Variants in TMEM178B observed in about 807,000 individuals in gnomAD.
TMEM178B encodes the protein transmembrane protein 178B.
TMEM178B carries 5 observed loss-of-function variants against 31.0 expected under a neutral mutation model. The ratio of observed to expected loss-of-function variants is 0.16; its 90% CI spans 0.08 to 0.34. The LOEUF (loss-of-function observed/expected upper bound fraction) is 0.34, where lower values mean the gene tolerates loss of function less well. TMEM178B is among the 10% of genes least tolerant of loss of function. The probability of loss-of-function intolerance (pLI) is 1.00; values close to 1 mark genes in which losing one functional copy is unlikely to be tolerated. For missense variants in TMEM178B, 275 were observed against 400.3 expected, an observed-to-expected ratio of 0.69 and a Z score of 2.67; for synonymous variants, 164 against 164.0, an observed-to-expected ratio of 1.00 and a Z score of 0.00.
Position 141,156,034 on chromosome 7 carries a change from C to T in TMEM178B, c.383-56557C>T, listed in dbSNP as rs571283886. ...GAGCCGAGATCGTACCACTGCACTCCAGCCTGGGCGATAGGGTGAGACTCC... is the reference window on the plus strand; with the variant it reads ...GAGCCGAGATCGTACCACTGCACTCTAGCCTGGGCGATAGGGTGAGACTCC... On this transcript the variant is annotated intron_variant, in intron 1 of 3. Transcript: ENST00000565468. 3.9e-5 allele frequency among the ~76,000 whole-genome samples: 6 copies of T among 152,280 alleles called. No homozygotes were observed. In the South Asian group the frequency reaches 8.3e-4, roughly 21 times the overall value.
chr7:141,428,887 C>T (rs903815503), intron 2 of TMEM178B, among the ~76,000 whole-genome samples: 3 of 152,204 alleles, frequency 2.0e-5, no homozygotes, highest in Admixed American at 6.5e-5. Context: ...TTCTGCCCCT[C>T]AGCTGAATTC....
At chr7:141,195,159 C>G (rs181893132) in intron 1 of TMEM178B, among the ~76,000 whole-genome samples, 1 of 152,246 alleles carries the variant, frequency 6.6e-6, no homozygotes, top group African/African-American at 2.4e-5. Flanking sequence ...TAACATTAGG[C>G]TCTTTGCTGT....
chr7:141,330,845 A>C (rs1327953935), intron 2 of TMEM178B, among the ~76,000 whole-genome samples: 1 of 152,238 alleles, frequency 6.6e-6, no homozygotes, highest in African/African-American at 2.4e-5. Flanking sequence ...TGATTGTAAT[A>C]ATCTAGGCAA....
chr7:141,352,891 G>C (rs1300399075), intron 2 of TMEM178B: 1 of 152,178 alleles, frequency 6.6e-6, no homozygotes, highest in Non-Finnish European at 1.5e-5. Context: ...ATAGAAGTTT[G>C]TTGAGTATCC....
intron 2 of TMEM178B, among the ~76,000 whole-genome samples, chr7:141,284,895 G>T (rs553264932): frequency 3.9e-5 from 6 of 152,208 alleles, no homozygotes; most frequent in African/African-American, 1.4e-4. Context: ...ATTCAGTAGG[G>T]AGCCAAGAAG....
chr7:141,201,678 G>A (rs1796879282), intron 1 of TMEM178B, among the ~76,000 whole-genome samples: 1 of 152,192 alleles, frequency 6.6e-6, no homozygotes, highest in Non-Finnish European at 1.5e-5. Flanking sequence ...GGACAGGAAT[G>A]TAGCTGAGAC....
the TMEM178B span, among the ~76,000 whole-genome samples, chr7:141,506,426 C>G: frequency 6.6e-6 from 1 of 152,188 alleles, no homozygotes; most frequent in East Asian, 1.9e-4. Context: ...GCAAAAGGCA[C>G]TTCTTACATG....
chr7:141,098,478 C>T (rs567429089), intron 1 of TMEM178B, among the ~76,000 whole-genome samples: 1 of 152,326 alleles, frequency 6.6e-6, no homozygotes, highest in Admixed American at 6.5e-5. Flanking sequence ...TAAGTAGCTT[C>T]TGTAGAGAGT....
intron 2 of TMEM178B, among the ~76,000 whole-genome samples, chr7:141,253,724 G>A (rs1249542978): frequency 6.6e-6 from 1 of 151,284 alleles, no homozygotes; most frequent in East Asian, 1.9e-4. Flanking sequence ...CTAAATTTTG[G>A]TATTTTTAGT....
intron 2 of TMEM178B, among the ~76,000 whole-genome samples, chr7:141,219,653 T>A (rs924327283): frequency 1.3e-5 from 2 of 152,332 alleles, no homozygotes; most frequent in Admixed American, 1.3e-4. Context: ...GAGAATCTTG[T>A]AAACCTTTCA....
intron 2 of TMEM178B, among the ~76,000 whole-genome samples, chr7:141,280,170 C>T (rs1263187081): frequency 6.6e-6 from 1 of 152,144 alleles, no homozygotes; most frequent in Non-Finnish European, 1.5e-5. Flanking sequence ...ATGGTGGACT[C>T]CCTGCTGGCT....
Position 141,159,148 on chromosome 7 carries a change from T to C in TMEM178B, c.383-53443T>C, listed in dbSNP as rs902081972. 2.0e-5 allele frequency among the ~76,000 whole-genome samples: 3 copies of C among 152,206 alleles called. No homozygotes were observed. The South Asian group carries it at 6.2e-4, about 32-fold the overall frequency. Reference sequence around the variant, plus strand: ...GTTCTATCCCCATCTGATGGTTGCTTACATCTCCTCATCTCCTCTTTCTTC... The same window carrying C: ...GTTCTATCCCCATCTGATGGTTGCTCACATCTCCTCATCTCCTCTTTCTTC... On this transcript the variant is annotated intron_variant, in intron 1 of 3. Coordinates refer to ENST00000565468, the MANE Select transcript of TMEM178B (RefSeq NM_001195278.2).
chr7:141,499,779 C>T, the TMEM178B span, among the ~76,000 whole-genome samples: 1 of 152,092 alleles, frequency 6.6e-6, no homozygotes, highest in African/African-American at 2.4e-5. Context: ...TGAGTTAAAA[C>T]AAAAAAATAT....
chr7:141,395,703 A>G (rs547207765), intron 2 of TMEM178B, among the ~76,000 whole-genome samples: 5 of 152,224 alleles, frequency 3.3e-5, no homozygotes, highest in African/African-American at 1.2e-4. Flanking sequence ...CCCTCAGTCA[A>G]TGGCAAATCA....
chr7:141,440,606 A>T (rs1801640301), intron 3 of TMEM178B, among the ~76,000 whole-genome samples: 1 of 151,858 alleles, frequency 6.6e-6, no homozygotes, highest in South Asian at 2.1e-4. Flanking sequence ...GGCCTCGATT[A>T]TTACTGGGAA....
intron 3 of TMEM178B, among the ~76,000 whole-genome samples, chr7:141,460,119 G>A (rs959949112): frequency 2.0e-5 from 3 of 152,128 alleles, no homozygotes; most frequent in African/African-American, 7.2e-5. Flanking sequence ...TTCACCTATT[G>A]TATTACTTTG....
At chr7:141,115,236 C>T (rs966834421) in intron 1 of TMEM178B, among the ~76,000 whole-genome samples, 1 of 151,852 alleles carries the variant, frequency 6.6e-6, no homozygotes, top group African/African-American at 2.4e-5. Context: ...TTAGTAGAGG[C>T]AGGGTTTCAG....
intron 2 of TMEM178B, among the ~76,000 whole-genome samples, chr7:141,274,154 C>T (rs117267436): frequency 0.01 from 1,528 of 152,328 alleles, 12 homozygotes; most frequent in Middle Eastern, 0.048. Context: ...TTCACTCCCC[C>T]GCCTTACTTT....
chr7:141,198,700 T>C (rs992595061), intron 1 of TMEM178B, among the ~76,000 whole-genome samples: 4 of 152,094 alleles, frequency 2.6e-5, no homozygotes, highest in African/African-American at 9.7e-5. Flanking sequence ...ACTTCCTGGG[T>C]CCCCAGAGAG....
Sources: gnomAD v4.1 joint callset for allele counts (sites outside exome capture counted in the v4.1 genomes callset) on GRCh38, gnomAD v4.1.1 for gene constraint, MANE v1.5 for transcripts, NCBI Gene and HGNC (gene_info 2026-07-23, HGNC 2026-07-21) for gene names.